PDIA3: variants seen among roughly 807,000 people sequenced by gnomAD.
PDIA3 encodes protein disulfide isomerase family A member 3.
In PDIA3, 16 loss-of-function variants were observed where a neutral mutation model predicts 56.9. The ratio of observed to expected loss-of-function variants is 0.28; its 90% CI spans 0.19 to 0.43. The LOEUF (loss-of-function observed/expected upper bound fraction) is 0.43. Among genes scored for constraint, PDIA3 ranks in the 20% least tolerant of loss-of-function variants. The pLI is 1.00. For synonymous variants in PDIA3, 192 were observed against 216.5 expected, an observed-to-expected ratio of 0.89 and a Z score of 0.99; for missense variants, 485 against 621.3, an observed-to-expected ratio of 0.78 and a Z score of 2.33.
At chr15:43,766,643 T>G in intron 7 of PDIA3, 85 bp from the exon 8 acceptor site, 1 of 1,055,124 alleles carries the variant, frequency 9.5e-7, no homozygotes, top group Non-Finnish European at 1.4e-6. Context: ...ACTTAGTCTT[T>G]GCTTTCCAAT....
At chr15:43,770,469 C>T in intron 11 of PDIA3, 54 bp from the exon 12 acceptor site, 2 of 1,415,094 alleles carry the variant, frequency 1.4e-6, no homozygotes, top group Non-Finnish European at 2.0e-6. Flanking sequence ...CTTAAGAGTT[C>T]TGCAGTATGG....
intron 7 of PDIA3, 139 bp downstream of exon 7, chr15:43,766,151 AAATT>A (rs2086846581): frequency 1.5e-5 from 10 of 650,032 alleles, no homozygotes; most frequent in Non-Finnish European, 2.2e-5. Flanking sequence ...AAAAAAAAAA[AAATT>A]AAAGTAACTA....
intron 1 of PDIA3, among the ~76,000 whole-genome samples, chr15:43,750,282 C>T (rs1258280131): frequency 1.3e-5 from 2 of 149,006 alleles, no homozygotes; most frequent in South Asian, 4.3e-4. Context: ...TCCCAAAGTG[C>T]TGGGATTTCA....
chr15:43,753,239 G>C lies in PDIA3; in HGVS notation c.168-585G>C, dbSNP rs556850912. Among the ~76,000 whole-genome samples, 3 of 152,218 alleles carry C rather than the reference G, an allele frequency of 2.0e-5. No homozygotes were observed. In the East Asian group the frequency reaches 5.8e-4, roughly 29 times the overall value. On this transcript the variant is annotated intron_variant, in intron 1 of 12. Coordinates refer to ENST00000300289, the MANE Select transcript of PDIA3 (RefSeq NM_005313.5). ...ATTACAGGTGCCCACCACCACGCCT[G>C]GCTAATTTTTGTATTGTCAGTAGAG...
intron 8 of PDIA3, among the ~76,000 whole-genome samples, chr15:43,767,293 G>A (rs1337269463): frequency 2.0e-5 from 3 of 152,030 alleles, no homozygotes; most frequent in Admixed American, 6.6e-5. Context: ...CGGAGGTTGC[G>A]GTGAACCAGG....
At chr15:43,756,464 C>G (rs2086779039) in intron 2 of PDIA3, among the ~76,000 whole-genome samples, 185 bp from the exon 3 acceptor site, 1 of 152,170 alleles carries the variant, frequency 6.6e-6, no homozygotes, top group Admixed American at 6.5e-5. Context: ...TAAAGAATTC[C>G]TTAGGCAGTT....
At chr15:43,760,753 G>A (rs190710439) in intron 3 of PDIA3, among the ~76,000 whole-genome samples, 3 of 151,014 alleles carry the variant, frequency 2.0e-5, no homozygotes, top group Non-Finnish European at 4.4e-5. Flanking sequence ...GGATGGTCTC[G>A]ATCTCCTGAC....
intron 1 of PDIA3, among the ~76,000 whole-genome samples, chr15:43,748,210 G>T (rs918684094): frequency 2.0e-5 from 3 of 152,156 alleles, no homozygotes; most frequent in African/African-American, 7.2e-5. Flanking sequence ...GGGCATGGTG[G>T]CTCCCGCCTG....
At chr15:43,753,326 C>T (rs938545820) in intron 1 of PDIA3, among the ~76,000 whole-genome samples, 17 of 152,268 alleles carry the variant, frequency 1.1e-4, no homozygotes, top group African/African-American at 3.8e-4. Context: ...GATCTACTCG[C>T]CTTGGCCTCC....
chr15:43,771,807 C>T lies in PDIA3; in HGVS notation c.*589C>T. 2.5e-6 allele frequency: 1 copy of T among 395,852 alleles called. No homozygotes were observed. The highest frequency in any genetic ancestry group is 4.4e-6 in the Non-Finnish European group (1 of 224,902). The allele number at this position is 395,852 out of a possible 1,614,324, so 24.5% of individuals were successfully genotyped here. A position where few individuals can be genotyped will look rare whatever the true frequency, so the allele number is the denominator to read the frequency against. On this transcript the variant is annotated 3_prime_UTR_variant, in exon 13 of 13. Transcript: ENST00000300289. Reference sequence around the variant, plus strand: ...AAAATTCTTTCAAAATTTATTATCTCTTTCTCTCCTTACATGTTTATTTCC... The same window carrying T: ...AAAATTCTTTCAAAATTTATTATCTTTTTCTCTCCTTACATGTTTATTTCC...
chr15:43,765,825 G>T, intron 6 of PDIA3, 62 bp from the exon 7 acceptor site: 1 of 1,543,172 alleles, frequency 6.5e-7, no homozygotes, highest in Non-Finnish European at 8.8e-7. Context: ...TTATTTTGTG[G>T]CAACTTTATG....
At chr15:43,747,447 A>T (rs2086714722) in intron 1 of PDIA3, among the ~76,000 whole-genome samples, 1 of 152,214 alleles carries the variant, frequency 6.6e-6, no homozygotes, top group South Asian at 2.1e-4. Flanking sequence ...CTTTAGGGTG[A>T]CTTAAGTGAT....
chr15:43,749,962 G>T (rs1344982304), intron 1 of PDIA3, among the ~76,000 whole-genome samples: 1 of 151,418 alleles, frequency 6.6e-6, no homozygotes, highest in Admixed American at 6.6e-5. Context: ...AAAGTAAAAT[G>T]GGCTTTTTTT....
intron 1 of PDIA3, among the ~76,000 whole-genome samples, chr15:43,752,050 C>T (rs1293574453): frequency 6.6e-6 from 1 of 152,152 alleles, no homozygotes; most frequent in African/African-American, 2.4e-5. Context: ...GATGGCTTTA[C>T]TCTTGTCTCT....
Position 43,771,460 on chromosome 15 carries a change from T to G in PDIA3, c.*242T>G. 6 of 432,752 alleles carry G rather than the reference T, an allele frequency of 1.4e-5. No individual in the cohort carries two copies. The highest frequency in any genetic ancestry group is 2.4e-5 in the Non-Finnish European group (6 of 247,168). 26.8% of individuals were successfully genotyped at this position (432,752 alleles called of 1,614,324 possible). ...ATTATTTGTGTTGGGGGAAATGTTG[T>G]GGGGGTGGGGTTGAGTTGGGGGTAT... On this transcript the variant is annotated 3_prime_UTR_variant, in exon 13 of 13. Transcript: ENST00000300289.
Position 43,765,991 on chromosome 15 carries a change from G to A in PDIA3, c.824G>A (p.Gly275Asp). The A allele has an allele frequency of 6.2e-7, 1 of 1,613,442 alleles. No homozygotes were observed. ...GTGGACTATGAAAAGAACGCTAAAG[G>A]TTCCAACTACTGGAGAAACAGGTAA... is the stretch of plus-strand genomic sequence containing the variant. ...YDVDYEKNAK[G>D]SNYWRNRVMM... The change falls in exon 7 of 13, where the codon GGT (glycine) becomes GAT (aspartate). Residue 275 changes from glycine to aspartate, a missense_variant. Physicochemically the swap from Gly to Asp is moderately conservative, Grantham distance 94. Transcript: ENST00000300289.
intron 1 of PDIA3, 21 bp from the exon 2 acceptor site, chr15:43,753,803 G>A: frequency 6.5e-7 from 1 of 1,545,068 alleles, no homozygotes; most frequent in Non-Finnish European, 8.9e-7. Context: ...TGAGAATTTG[G>A]CTTTTTTAAT....
chr15:43,760,247 C>T lies in PDIA3; in HGVS notation c.365-1177C>T, dbSNP rs1295890755. Among the ~76,000 whole-genome samples, 3 of 151,838 alleles carry T rather than the reference C, an allele frequency of 2.0e-5. No individual in the cohort carries two copies. In the East Asian group the frequency reaches 5.9e-4, roughly 30 times the overall value. On this transcript the variant is annotated intron_variant, in intron 3 of 12. Coordinates refer to ENST00000300289, the MANE Select transcript of PDIA3 (RefSeq NM_005313.5). ...CTTTATAAAAATACAAAAAACTAGC[C>T]AGGTGGGATGGTGCATGCCTGTAGA...
In PDIA3 at chr15:43,746,581, G is replaced by T; in HGVS notation, c.42G>T (p.Leu14=). The T allele has an allele frequency of 6.2e-7, 1 of 1,611,912 alleles. No individual in the cohort carries two copies. Among genetic ancestry groups the T allele is most frequent in the South Asian group, 1.1e-5 (1 of 91,040 alleles). ...RRLALFPGVA[L]LLAAARLAAA... ...TAGCGCTGTTCCCGGGTGTGGCGCT[G>T]CTTCTTGCCGCGGCCCGCCTCGCCG... The change falls in exon 1 of 13, where the codon CTG becomes CTT. Residue 14 remains leucine, a synonymous_variant. Coordinates refer to ENST00000300289, the MANE Select transcript of PDIA3 (RefSeq NM_005313.5).
Sources: gnomAD v4.1 joint callset for allele counts (sites outside exome capture counted in the v4.1 genomes callset) on GRCh38, gnomAD v4.1.1 for gene constraint, MANE v1.5 for transcripts, NCBI Gene and HGNC (gene_info 2026-07-23, HGNC 2026-07-21) for gene names.